The following CLEC16A variants were observed in gnomAD, a reference collection of about 807,000 sequenced individuals.
CLEC16A encodes the protein C-type lectin domain containing 16A.
A neutral mutation model predicts 109.5 loss-of-function variants in CLEC16A; 51 were observed. The ratio of observed to expected loss-of-function variants is 0.47; its 90% confidence interval spans 0.37 to 0.59. CLEC16A has a LOEUF of 0.59. Ranked by LOEUF, CLEC16A falls within the 20% of genes least tolerant of loss-of-function variation. The pLI, the probability that CLEC16A is intolerant of heterozygous loss-of-function variation, is 0.00. For synonymous variants in CLEC16A, 673 were observed against 564.2 expected, an observed-to-expected ratio of 1.19 and a Z score of -2.73; for missense variants, 1,339 against 1,394.0, an observed-to-expected ratio of 0.96 and a Z score of 0.63.
intron 19 of CLEC16A, among the ~76,000 whole-genome samples, chr16:11,106,900 T>C (rs2051257150): frequency 6.6e-6 from 1 of 152,138 alleles, no homozygotes; most frequent in Non-Finnish European, 1.5e-5. Context: ...TCCAGGCACT[T>C]GGCCCAGGCC....
intron 10 of CLEC16A, among the ~76,000 whole-genome samples, chr16:10,983,580 G>A (rs189392407): frequency 6.6e-6 from 1 of 152,326 alleles, no homozygotes; most frequent in African/African-American, 2.4e-5. Context: ...TTTGTGGTCT[G>A]CAGGAAGGAG....
chr16:11,042,322 G>C lies in CLEC16A; in HGVS notation c.1729G>C (p.Ala577Pro). The stretch of plus-strand genomic sequence containing the variant: ...TCTGAAGCAGCAAGTCCTGATGAGT[G>C]CTGGCTGCATCATGAAGGACGTGCA... ...LLLKQQVLMS[A>P]GCIMKDVHLA... Residue 577 changes from alanine to proline, a missense_variant, in exon 15 of 24, where the codon GCT becomes CCT. By Grantham distance (27) the Ala-to-Pro change is conservative (BLOSUM62 -1). Transcript: ENST00000409790. 1 of 1,593,490 alleles carries C rather than the reference G, an allele frequency of 6.3e-7. No homozygotes were observed. The highest frequency in any genetic ancestry group is 2.3e-5 in the East Asian group (1 of 43,800).
chr16:10,998,011 A>C (rs1350904225), intron 10 of CLEC16A, among the ~76,000 whole-genome samples: 4 of 152,154 alleles, frequency 2.6e-5, no homozygotes, highest in African/African-American at 9.7e-5. Context: ...TCGTTCACTC[A>C]GGCACCCAGT....
intron 22 of CLEC16A, among the ~76,000 whole-genome samples, chr16:11,133,946 C>A (rs2053400274): frequency 6.6e-6 from 1 of 152,172 alleles, no homozygotes; most frequent in Non-Finnish European, 1.5e-5. Context: ...GATTCCTACC[C>A]TCAGGCCTTT....
intron 3 of CLEC16A, among the ~76,000 whole-genome samples, chr16:10,962,985 A>C (rs1263779061): frequency 6.6e-6 from 1 of 152,072 alleles, no homozygotes; most frequent in East Asian, 1.9e-4. Flanking sequence ...TTTGTCAAGG[A>C]AGTCGAGGTT....
At chr16:10,993,101 G>A (rs1485873348) in intron 10 of CLEC16A, among the ~76,000 whole-genome samples, 1 of 152,138 alleles carries the variant, frequency 6.6e-6, no homozygotes, top group Non-Finnish European at 1.5e-5. Flanking sequence ...TTTTATAGAA[G>A]ATGAACCTGG....
At chr16:11,100,468 C>G (rs2050853443) in intron 19 of CLEC16A, among the ~76,000 whole-genome samples, 1 of 152,194 alleles carries the variant, frequency 6.6e-6, no homozygotes, top group South Asian at 2.1e-4. Flanking sequence ...GTGGTTTACC[C>G]TTCTGGTCCA....
rs997277980 is a variant in CLEC16A, at chr16:11,123,444, G to A, written c.2269-298G>A. Among the ~76,000 whole-genome samples the A allele has an allele frequency of 2.0e-5, 3 of 152,256 alleles. No homozygotes were observed. In the East Asian group the frequency reaches 5.8e-4, roughly 29 times the overall value. On this transcript the variant is annotated intron_variant, in intron 20 of 23. Coordinates refer to ENST00000409790, the MANE Select transcript of CLEC16A (RefSeq NM_015226.3). ...GTGGCCCCTTGAAGAGGCTTGTGGG[G>A]GTACGCTGTTATTCATGAGCTGACC...
chr16:11,102,920 G>A (rs534084570), intron 19 of CLEC16A, among the ~76,000 whole-genome samples: 12 of 152,284 alleles, frequency 7.9e-5, no homozygotes, highest in African/African-American at 2.4e-4. Flanking sequence ...GAGGGGAGAC[G>A]GCAACAAGCC....
chr16:11,143,147 C>T (rs1040161047), intron 22 of CLEC16A, among the ~76,000 whole-genome samples: 1 of 152,194 alleles, frequency 6.6e-6, no homozygotes, highest in African/African-American at 2.4e-5. Context: ...CTACTGTGTG[C>T]CACGCCCTGT....
chr16:11,150,662 A>G (rs536409569), intron 22 of CLEC16A, among the ~76,000 whole-genome samples: 47 of 152,296 alleles, frequency 3.1e-4, no homozygotes, highest in Admixed American at 1.2e-3. Flanking sequence ...ATAATAGTCC[A>G]TTGTCTGAGT....
rs370123394 is a variant in CLEC16A, at chr16:11,074,930, TG to T, written c.2116+13911del. On this transcript the variant is annotated intron_variant, in intron 19 of 23. Coordinates refer to ENST00000409790, the MANE Select transcript of CLEC16A (RefSeq NM_015226.3). ...GATCATGCCTATAATCCCAGCACTT[TG>T]GGAGGCTGAGGTGGGAGGATTGCTT... 4.6e-4 allele frequency among the ~76,000 whole-genome samples: 70 copies of T among 152,256 alleles called. 1 individual carries two copies. In the East Asian group the frequency reaches 0.013, roughly 27 times the overall value.
At chr16:11,114,236 C>G (rs770351888) in intron 19 of CLEC16A, among the ~76,000 whole-genome samples, 12 of 151,168 alleles carry the variant, frequency 7.9e-5, no homozygotes, top group Non-Finnish European at 1.5e-4. Context: ...ATGGCCTATG[C>G]AAATCCTTCA....
intron 19 of CLEC16A, among the ~76,000 whole-genome samples, chr16:11,087,386 C>T (rs2050069423): frequency 1.3e-5 from 2 of 152,220 alleles, no homozygotes; most frequent in Admixed American, 1.3e-4. Context: ...GACTTTTCGT[C>T]CTACAGCACA....
chr16:11,106,354 T>C (rs1223183975), intron 19 of CLEC16A, among the ~76,000 whole-genome samples: 2 of 151,920 alleles, frequency 1.3e-5, no homozygotes, highest in African/African-American at 2.4e-5. Context: ...AGTGTTTTGA[T>C]CATAGCTCAC....
intron 17 of CLEC16A, among the ~76,000 whole-genome samples, chr16:11,049,637 TG>T (rs1206351213): frequency 1.3e-5 from 2 of 151,888 alleles, no homozygotes; most frequent in Non-Finnish European, 1.5e-5. Flanking sequence ...TGGAAGGGGG[TG>T]GGGACAGGCC....
At chr16:11,130,147 A>G (rs958454082) in intron 22 of CLEC16A, among the ~76,000 whole-genome samples, 2 of 152,164 alleles carry the variant, frequency 1.3e-5, no homozygotes, top group South Asian at 2.1e-4. Flanking sequence ...TCTCCCCTGC[A>G]GAGAGGGTTG....
chr16:11,027,256 C>T, intron 13 of CLEC16A: 2 of 1,544,374 alleles, frequency 1.3e-6, no homozygotes, highest in East Asian at 4.5e-5. Flanking sequence ...AAACCTCATG[C>T]CGTGGAATTG....
intron 22 of CLEC16A, among the ~76,000 whole-genome samples, chr16:11,128,861 T>C (rs2053006972): frequency 1.3e-5 from 2 of 152,156 alleles, no homozygotes; most frequent in African/African-American, 4.8e-5. Flanking sequence ...TCTCCCAAGA[T>C]TGCAACAGAA....
Sources: gnomAD v4.1 joint callset for allele counts (sites outside exome capture counted in the v4.1 genomes callset) on GRCh38, gnomAD v4.1.1 for gene constraint, MANE v1.5 for transcripts, NCBI Gene and HGNC (gene_info 2026-07-23, HGNC 2026-07-21) for gene names.